NSMCE2: variants seen among roughly 807,000 people sequenced by gnomAD.
NSMCE2 encodes the protein E3 SUMO-protein ligase NSE2.
In NSMCE2, 24 loss-of-function variants were observed where a neutral mutation model predicts 23.8. The ratio of observed to expected loss-of-function variants is 1.01; its 90% CI spans 0.73 to 1.42. The LOEUF (loss-of-function observed/expected upper bound fraction) is 1.42. NSMCE2 is among the 40% of genes most tolerant of loss of function. The pLI is 0.00. For synonymous variants in NSMCE2, 92 were observed against 94.1 expected (o/e 0.98, Z 0.13); for missense variants, 284 against 296.5 (o/e 0.96, Z 0.31).
intron 5 of NSMCE2, among the ~76,000 whole-genome samples, chr8:125,331,313 T>A (rs1055231972): frequency 1.3e-5 from 2 of 151,920 alleles, no homozygotes; most frequent in Non-Finnish European, 2.9e-5. Context: ...AAATAAAAAA[T>A]AATAATAGTA....
At chr8:125,209,961 C>T (rs928040933) in intron 5 of NSMCE2, among the ~76,000 whole-genome samples, 4 of 152,276 alleles carry the variant, frequency 2.6e-5, no homozygotes, top group African/African-American at 9.6e-5. Flanking sequence ...AAGTCCTATG[C>T]AAATAAATGT....
At chr8:125,126,191 T>C (rs191639491) in intron 3 of NSMCE2, among the ~76,000 whole-genome samples, 187 of 152,150 alleles carry the variant, frequency 1.2e-3, no homozygotes, top group African/African-American at 4.3e-3. Flanking sequence ...GAGACCAGCT[T>C]GGCCAACTTG....
chr8:125,130,398 G>A (rs1471811193), intron 3 of NSMCE2: 4 of 379,996 alleles, frequency 1.1e-5, no homozygotes, highest in African/African-American at 2.1e-5. Flanking sequence ...TTTTTTGGAA[G>A]CAAGTAGCTC....
At chr8:125,327,265 CAAAAAAAAAA>C (rs59574355) in intron 5 of NSMCE2, among the ~76,000 whole-genome samples, 2 of 118,690 alleles carry the variant, frequency 1.7e-5, no homozygotes, top group Non-Finnish European at 1.7e-5. Context: ...GACTCCATCT[CAAAAAAAAAA>C]AAAAAAAAAA....
chr8:125,273,838 G>A (rs552407293), intron 5 of NSMCE2, among the ~76,000 whole-genome samples: 14 of 152,240 alleles, frequency 9.2e-5, no homozygotes, highest in African/African-American at 3.4e-4. Flanking sequence ...TGAGTTTGGG[G>A]TGCTGTATAA....
intron 3 of NSMCE2, among the ~76,000 whole-genome samples, chr8:125,150,327 T>G (rs1820925949): frequency 6.6e-6 from 1 of 152,110 alleles, no homozygotes; most frequent in Admixed American, 6.6e-5. Flanking sequence ...GCCCTGGTTA[T>G]TTCTTATTAC....
intron 4 of NSMCE2, among the ~76,000 whole-genome samples, chr8:125,172,115 A>T (rs1019870746): frequency 7.9e-5 from 12 of 152,230 alleles, no homozygotes; most frequent in Non-Finnish European, 1.8e-4. Flanking sequence ...CTTGCCCAAG[A>T]TTACACAGCT....
At chr8:125,271,801 TTA>T (rs1294135154) in intron 5 of NSMCE2, among the ~76,000 whole-genome samples, 1 of 152,220 alleles carries the variant, frequency 6.6e-6, no homozygotes, top group African/African-American at 2.4e-5. Flanking sequence ...TGTGTATGTT[TTA>T]TGTTTCACCT....
intron 3 of NSMCE2, chr8:125,130,098 CT>C (rs1179557861): frequency 4.7e-3 from 1,469 of 311,828 alleles, no homozygotes; most frequent in South Asian, 8.0e-3. Flanking sequence ...GTTGGTTTCG[CT>C]TTTTTTTTTC....
intron 4 of NSMCE2, among the ~76,000 whole-genome samples, chr8:125,153,056 CAAAAAAAAAAAAA>C (rs768246218): frequency 6.3e-5 from 3 of 47,460 alleles, no homozygotes; most frequent in East Asian, 7.3e-4. Context: ...GACTCCGTCT[CAAAAAAAAAAAAA>C]AAAAAAAAAA....
intron 4 of NSMCE2, among the ~76,000 whole-genome samples, chr8:125,158,510 G>T (rs1821439268): frequency 1.3e-5 from 2 of 152,174 alleles, no homozygotes; most frequent in Admixed American, 6.5e-5. Context: ...GCTGACCACA[G>T]CACTCCAGGT....
At chr8:125,325,915 G>A (rs989565841) in intron 5 of NSMCE2, among the ~76,000 whole-genome samples, 1 of 152,124 alleles carries the variant, frequency 6.6e-6, no homozygotes, top group South Asian at 2.1e-4. Context: ...TTGCGGCACT[G>A]TACTCCAGCC....
intron 3 of NSMCE2, among the ~76,000 whole-genome samples, chr8:125,134,173 G>A (rs538892055): frequency 5.0e-4 from 76 of 152,296 alleles, no homozygotes; most frequent in African/African-American, 1.5e-3. Flanking sequence ...TAAAAAATCT[G>A]TATTGATGAA....
intron 5 of NSMCE2, among the ~76,000 whole-genome samples, chr8:125,325,467 A>G (rs1829629557): frequency 6.6e-6 from 1 of 152,084 alleles, no homozygotes; most frequent in African/African-American, 2.4e-5. Context: ...CTCTCACTTC[A>G]GCCTCCTAAG....
At chr8:125,238,405 A>T (rs1262309710) in intron 5 of NSMCE2, among the ~76,000 whole-genome samples, 1 of 152,220 alleles carries the variant, frequency 6.6e-6, no homozygotes, top group Non-Finnish European at 1.5e-5. Context: ...AACGGAACTG[A>T]AACCATATTT....
intron 4 of NSMCE2, among the ~76,000 whole-genome samples, chr8:125,181,829 T>C (rs1483857662): frequency 6.6e-6 from 1 of 152,192 alleles, no homozygotes; most frequent in Non-Finnish European, 1.5e-5. Context: ...CCCTGGCAGT[T>C]ATCAGAAGAC....
chr8:125,167,756 T>G (rs1007692322), intron 4 of NSMCE2, among the ~76,000 whole-genome samples: 1 of 151,472 alleles, frequency 6.6e-6, no homozygotes, highest in Non-Finnish European at 1.5e-5. Context: ...TTTTTTTTTC[T>G]TGTAAGATTT....
At chr8:125,130,964 A>C (rs1328711471) in intron 3 of NSMCE2, among the ~76,000 whole-genome samples, 1 of 152,236 alleles carries the variant, frequency 6.6e-6, no homozygotes, top group African/African-American at 2.4e-5. Context: ...TTCATCAGCT[A>C]GCTTAGGGTT....
chr8:125,184,133 A>G (rs1372836449), intron 5 of NSMCE2, among the ~76,000 whole-genome samples: 1 of 152,220 alleles, frequency 6.6e-6, no homozygotes, highest in Non-Finnish European at 1.5e-5. Flanking sequence ...CTTAGCATCC[A>G]ATCACAATTC....
Sources: gnomAD v4.1 joint callset for allele counts (sites outside exome capture counted in the v4.1 genomes callset) on GRCh38, gnomAD v4.1.1 for gene constraint, MANE v1.5 for transcripts, NCBI Gene and HGNC (gene_info 2026-07-23, HGNC 2026-07-21) for gene names.